Variants in PDLIM5 observed in about 807,000 individuals in gnomAD.
PDLIM5 encodes the protein PDZ and LIM domain protein 5.
Under a neutral mutation model 64.2 loss-of-function variants are expected in PDLIM5, and 34 were observed. The ratio of observed to expected loss-of-function variants is 0.53; its 90% CI spans 0.40 to 0.71. The LOEUF (loss-of-function observed/expected upper bound fraction) is 0.71. Among genes scored for constraint, PDLIM5 ranks in the 30% least tolerant of loss-of-function variants. The pLI is 0.00. For synonymous variants in PDLIM5, 253 were observed against 269.1 expected (o/e 0.94, Z 0.59); for missense variants, 683 against 733.6 (o/e 0.93, Z 0.80).
chr4:94,636,778 G>A (rs4699567), intron 8 of PDLIM5, among the ~76,000 whole-genome samples: 55,093 of 151,852 alleles, frequency 0.36, 11,093 homozygotes, highest in South Asian at 0.61. Flanking sequence ...CTCATGATCC[G>A]CCCGCCTCGG....
intron 10 of PDLIM5, among the ~76,000 whole-genome samples, chr4:94,655,319 C>T (rs931075653): frequency 1.5e-4 from 23 of 152,016 alleles, no homozygotes; most frequent in African/African-American, 4.8e-4. Context: ...AAGGGTCAGG[C>T]ATACTTTATG....
chr4:94,590,172 A>G (rs1736568877), intron 7 of PDLIM5, among the ~76,000 whole-genome samples: 1 of 152,236 alleles, frequency 6.6e-6, no homozygotes, highest in Non-Finnish European at 1.5e-5. Context: ...GTATTTGTGG[A>G]AAACAAAAGC....
In PDLIM5 at chr4:94,575,868, A is replaced by G. The variant is rs749749000; in HGVS notation, c.544A>G (p.Asn182Asp). The G allele has an allele frequency of 2.8e-5, 45 of 1,614,010 alleles. No individual in the cohort carries two copies. The highest frequency in any genetic ancestry group is 3.7e-5 in the Non-Finnish European group (44 of 1,180,006). Residue 182 changes from asparagine to aspartate, a missense_variant, in exon 5 of 13, where the codon AAT (asparagine) becomes GAT (aspartate). Coordinates refer to ENST00000317968, the MANE Select transcript of PDLIM5 (RefSeq NM_006457.5). The part of the protein sequence containing the change: ...PLFAASGLHA[N>D]ANLSADQSPS... ...GTTCGCTGCATCTGGACTGCATGCTAATGCCAATCTTAGTGCTGACCAGTC... is the reference window on the plus strand; with the variant it reads ...GTTCGCTGCATCTGGACTGCATGCTGATGCCAATCTTAGTGCTGACCAGTC...
chr4:94,664,092 A>C lies in PDLIM5; in HGVS notation c.*25A>C. On this transcript the variant is annotated 3_prime_UTR_variant, in exon 13 of 13. Transcript: ENST00000317968. ...AAAGTCAACAGTTCAGGAGAAGAGA[A>C]GGAATTTGAAGAGAAAAAGGAAAAT... 2.0e-6 allele frequency: 3 copies of C among 1,503,362 alleles called. No individual in the cohort carries two copies. The highest frequency in any genetic ancestry group is 1.8e-6 in the Non-Finnish European group (2 of 1,113,702). 93.1% of individuals were successfully genotyped at this position (1,503,362 alleles called of 1,614,324 possible). A position where few individuals can be genotyped will look rare whatever the true frequency, so the allele number is the denominator to read the frequency against.
intron 3 of PDLIM5, among the ~76,000 whole-genome samples, chr4:94,543,427 A>G (rs1276212063): frequency 6.6e-6 from 1 of 152,192 alleles, no homozygotes; most frequent in East Asian, 1.9e-4. Flanking sequence ...TCCCACATTT[A>G]CCAATTTTTT....
chr4:94,650,598 A>C (rs958429677), intron 9 of PDLIM5, among the ~76,000 whole-genome samples: 1 of 152,168 alleles, frequency 6.6e-6, no homozygotes, highest in African/African-American at 2.4e-5. Context: ...CGTTTTCTTC[A>C]TCTACACGTA....
In PDLIM5 at chr4:94,666,134, T is replaced by C. The variant is rs548014178; in HGVS notation, c.*2067T>C. The C allele has an allele frequency of 2.6e-5, 22 of 832,560 alleles. 1 individual carries two copies. The highest frequency in any genetic ancestry group is 3.4e-5 in the South Asian group (2 of 59,680). The allele number at this position is 832,560 out of a possible 1,614,324, so 51.6% of individuals were successfully genotyped here. A position where few individuals can be genotyped will look rare whatever the true frequency, so the allele number is the denominator to read the frequency against. ...GGTCCTTCCTGCCCCATCACTCACT[T>C]ACGACATCACTTCCATTGTGTGCAT... On this transcript the variant is annotated 3_prime_UTR_variant, in exon 13 of 13. Coordinates refer to ENST00000317968, the MANE Select transcript of PDLIM5 (RefSeq NM_006457.5).
At chr4:94,456,066 T>C in intron 2 of PDLIM5, 1 of 1,128,402 alleles carries the variant, frequency 8.9e-7, no homozygotes, top group Non-Finnish European at 1.2e-6. Context: ...GACTTGACTA[T>C]ATGTCAGGTA....
chr4:94,655,696 T>C (rs1742157279), intron 10 of PDLIM5, among the ~76,000 whole-genome samples: 1 of 152,232 alleles, frequency 6.6e-6, no homozygotes, highest in Non-Finnish European at 1.5e-5. Context: ...TGTTTTAGTG[T>C]ATCAAGGTAT....
intron 7 of PDLIM5, chr4:94,586,955 CTCT>C (rs1736260920): frequency 1.7e-6 from 2 of 1,161,358 alleles, no homozygotes; most frequent in East Asian, 2.5e-5. Context: ...TCTTCTATCA[CTCT>C]TTTTTTTTTT....
intron 3 of PDLIM5, among the ~76,000 whole-genome samples, chr4:94,553,112 T>C (rs1732959209): frequency 6.6e-6 from 1 of 152,094 alleles, no homozygotes. Flanking sequence ...AACTTTTAAA[T>C]TATCAGTTTT....
At chr4:94,463,446 C>CATT (rs142150269) in intron 2 of PDLIM5, among the ~76,000 whole-genome samples, 3,354 of 152,074 alleles carry the variant, frequency 0.022, 93 homozygotes, top group African/African-American at 0.07. Context: ...CTAGAGAAAA[C>CATT]ATTTAAAAAT....
intron 9 of PDLIM5, among the ~76,000 whole-genome samples, chr4:94,651,616 G>A (rs1490381852): frequency 3.3e-5 from 5 of 152,174 alleles, no homozygotes; most frequent in African/African-American, 7.2e-5. Flanking sequence ...CTGCCCACTT[G>A]CCTCTGGTTA....
intron 8 of PDLIM5, among the ~76,000 whole-genome samples, chr4:94,624,989 C>T (rs1739550863): frequency 6.6e-6 from 1 of 152,142 alleles, no homozygotes; most frequent in African/African-American, 2.4e-5. Flanking sequence ...GACCTGGAGA[C>T]CATTTAAGAA....
At chr4:94,517,149 TTTTA>T (rs1729433235) in intron 2 of PDLIM5, among the ~76,000 whole-genome samples, 1 of 152,262 alleles carries the variant, frequency 6.6e-6, no homozygotes, top group South Asian at 2.1e-4. Context: ...TTCACCGGGA[TTTTA>T]TTTATTTGTG....
chr4:94,460,721 T>A (rs1489173577), intron 2 of PDLIM5, among the ~76,000 whole-genome samples: 1 of 152,178 alleles, frequency 6.6e-6, no homozygotes, highest in Non-Finnish European at 1.5e-5. Context: ...TAGGTATATC[T>A]ACCTACTTAA....
intron 3 of PDLIM5, among the ~76,000 whole-genome samples, chr4:94,555,170 C>T (rs1260921233): frequency 6.6e-6 from 1 of 152,188 alleles, no homozygotes; most frequent in African/African-American, 2.4e-5. Context: ...TCTCCCGCCT[C>T]AACCTCTTGA....
At chr4:94,454,818 TTAAG>T (rs1431358323) in intron 1 of PDLIM5, among the ~76,000 whole-genome samples, 1 of 152,192 alleles carries the variant, frequency 6.6e-6, no homozygotes, top group Non-Finnish European at 1.5e-5. Flanking sequence ...AACTTAGAAT[TTAAG>T]TAAGTGCAGT....
chr4:94,588,662 T>C (rs1221573956), intron 7 of PDLIM5, among the ~76,000 whole-genome samples: 2 of 152,182 alleles, frequency 1.3e-5, no homozygotes, highest in Non-Finnish European at 2.9e-5. Context: ...ATATGTAGTA[T>C]CCTATGTGAG....
Sources: gnomAD v4.1 joint callset for allele counts (sites outside exome capture counted in the v4.1 genomes callset) on GRCh38, gnomAD v4.1.1 for gene constraint, MANE v1.5 for transcripts, NCBI Gene and HGNC (gene_info 2026-07-23, HGNC 2026-07-21) for gene names.